The following PIP4K2A variants were observed in gnomAD, a reference collection of about 807,000 sequenced individuals.
The protein encoded by PIP4K2A is phosphatidylinositol-5-phosphate 4-kinase type 2 alpha.
Under a neutral mutation model 42.9 loss-of-function variants are expected in PIP4K2A, and 14 were observed. That is an observed-to-expected ratio of 0.33 (90% confidence interval 0.22 to 0.51). PIP4K2A has a LOEUF of 0.51. PIP4K2A is among the 20% of genes least tolerant of loss of function. The pLI, the probability that PIP4K2A is intolerant of heterozygous loss-of-function variation, is 0.97. For synonymous variants in PIP4K2A, 192 were observed against 192.2 expected (o/e 1.00, Z 0.01); for missense variants, 434 against 519.8 (o/e 0.83, Z 1.61).
intron 6 of PIP4K2A, among the ~76,000 whole-genome samples, chr10:22,559,355 G>A (rs532320260): frequency 3.3e-5 from 5 of 152,236 alleles, no homozygotes; most frequent in South Asian, 4.2e-4. Flanking sequence ...AGTGCTCCAC[G>A]TGTGCTTGGG....
At chr10:22,674,881 T>C (rs1306731384) in intron 1 of PIP4K2A, among the ~76,000 whole-genome samples, 1 of 152,074 alleles carries the variant, frequency 6.6e-6, no homozygotes, top group East Asian at 1.9e-4. Context: ...GAAGATTGCT[T>C]AAGCCCAGGA....
At chr10:22,653,002 G>C (rs1213871050) in intron 1 of PIP4K2A, among the ~76,000 whole-genome samples, 1 of 152,276 alleles carries the variant, frequency 6.6e-6, no homozygotes, top group East Asian at 1.9e-4. Context: ...GCTGATGTGG[G>C]AGGATGGCTC....
At chr10:22,699,462 A>G (rs1833669722) in intron 1 of PIP4K2A, among the ~76,000 whole-genome samples, 1 of 151,976 alleles carries the variant, frequency 6.6e-6, no homozygotes, top group Non-Finnish European at 1.5e-5. Context: ...TGAGTAGCGC[A>G]GGGAGACAAC....
chr10:22,593,115 G>A (rs545792371), intron 3 of PIP4K2A, among the ~76,000 whole-genome samples: 13 of 152,314 alleles, frequency 8.5e-5, no homozygotes, highest in African/African-American at 2.9e-4. Context: ...TTGCAGCAGT[G>A]CAGGGGTTTA....
intron 1 of PIP4K2A, among the ~76,000 whole-genome samples, chr10:22,619,072 T>C (rs2130735081): frequency 8.3e-6 from 1 of 120,316 alleles, no homozygotes; most frequent in South Asian, 2.5e-4. Context: ...GTTAATTTTG[T>C]ACTGGGGGAA....
At chr10:22,650,365 C>G (rs891304980) in intron 1 of PIP4K2A, among the ~76,000 whole-genome samples, 2 of 152,170 alleles carry the variant, frequency 1.3e-5, no homozygotes, top group Non-Finnish European at 2.9e-5. Context: ...AAGGGATCCT[C>G]CAGCCTCAGC....
chr10:22,539,524 G>A (rs1489281353), intron 9 of PIP4K2A: 2 of 156,896 alleles, frequency 1.3e-5, no homozygotes, highest in African/African-American at 2.4e-5. Context: ...AGACAATCAT[G>A]CTTCAGTTTT....
intron 1 of PIP4K2A, among the ~76,000 whole-genome samples, chr10:22,652,969 C>G (rs1203116855): frequency 1.3e-5 from 2 of 152,096 alleles, no homozygotes; most frequent in Non-Finnish European, 2.9e-5. Flanking sequence ...TGGTACACAC[C>G]TTCAGTCTGA....
At chr10:22,613,516 G>T (rs1479106373) in intron 1 of PIP4K2A, among the ~76,000 whole-genome samples, 1 of 152,072 alleles carries the variant, frequency 6.6e-6, no homozygotes, top group Admixed American at 6.6e-5. Context: ...GGGAAGATGG[G>T]GCTCCCGACC....
chr10:22,653,488 T>C (rs1839034475), intron 1 of PIP4K2A, among the ~76,000 whole-genome samples: 1 of 152,194 alleles, frequency 6.6e-6, no homozygotes, highest in Non-Finnish European at 1.5e-5. Flanking sequence ...CTCATCTTAA[T>C]CTTTCTCTTA....
intron 4 of PIP4K2A, among the ~76,000 whole-genome samples, chr10:22,581,548 C>A (rs969188586): frequency 1.8e-5 from 2 of 109,468 alleles, no homozygotes; most frequent in South Asian, 3.1e-4. Flanking sequence ...CAGGGCAACA[C>A]AGGGAGATCC....
intron 1 of PIP4K2A, among the ~76,000 whole-genome samples, chr10:22,650,456 A>G (rs1838971418): frequency 6.6e-6 from 1 of 152,152 alleles, no homozygotes; most frequent in Admixed American, 6.5e-5. Context: ...CATGTTGCCC[A>G]GGCTGCCTCA....
At chr10:22,643,132 G>A (rs1005962925) in intron 1 of PIP4K2A, among the ~76,000 whole-genome samples, 1 of 152,042 alleles carries the variant, frequency 6.6e-6, no homozygotes, top group African/African-American at 2.4e-5. Context: ...TTGGCTCCTG[G>A]AGCTCCAGTT....
intron 1 of PIP4K2A, among the ~76,000 whole-genome samples, chr10:22,641,435 A>G (rs939190775): frequency 6.6e-6 from 1 of 150,546 alleles, no homozygotes; most frequent in South Asian, 2.1e-4. Context: ...ATACCTGATC[A>G]TTTTTTTTTC....
intron 3 of PIP4K2A, among the ~76,000 whole-genome samples, chr10:22,607,023 G>T (rs1046588184): frequency 6.7e-6 from 1 of 149,242 alleles, no homozygotes; most frequent in African/African-American, 2.6e-5. Context: ...AGGCTGTGTT[G>T]AGCACTTAAC....
At chr10:22,683,573 T>C (rs1839703662) in intron 1 of PIP4K2A, among the ~76,000 whole-genome samples, 1 of 152,208 alleles carries the variant, frequency 6.6e-6, no homozygotes, top group African/African-American at 2.4e-5. Flanking sequence ...GAAACTGCTT[T>C]GTCAACTGTC....
intron 3 of PIP4K2A, among the ~76,000 whole-genome samples, chr10:22,594,459 G>C: frequency 6.6e-6 from 1 of 152,284 alleles, no homozygotes; most frequent in Admixed American, 6.5e-5. Flanking sequence ...ACAGTGGTGC[G>C]ATCTTGGCTC....
intron 1 of PIP4K2A, among the ~76,000 whole-genome samples, chr10:22,619,431 TC>T (rs1351710354): frequency 3.7e-5 from 5 of 133,416 alleles, no homozygotes; most frequent in Non-Finnish European, 4.5e-5. Flanking sequence ...ATTTTCTTTT[TC>T]TTTTTTCTTT....
chr10:22,631,170 T>A (rs1218522227), intron 1 of PIP4K2A, among the ~76,000 whole-genome samples: 1 of 152,176 alleles, frequency 6.6e-6, no homozygotes, highest in East Asian at 1.9e-4. Flanking sequence ...TCCAAATATT[T>A]TTTAATAACC....
Sources: gnomAD v4.1 joint callset for allele counts (sites outside exome capture counted in the v4.1 genomes callset) on GRCh38, gnomAD v4.1.1 for gene constraint, MANE v1.5 for transcripts, NCBI Gene and HGNC (gene_info 2026-07-23, HGNC 2026-07-21) for gene names.